Variants in ADAMTS17 observed in about 807,000 individuals in gnomAD.
ADAMTS17 encodes A disintegrin and metalloproteinase with thrombospondin motifs 17.
Under a neutral mutation model 141.5 loss-of-function variants are expected in ADAMTS17, and 113 were observed. The ratio of observed to expected loss-of-function variants is 0.80; its 90% CI spans 0.69 to 0.93. The LOEUF (loss-of-function observed/expected upper bound fraction) is 0.93, where lower values mean the gene tolerates loss of function less well. Among genes scored for constraint, ADAMTS17 ranks in the 40% least tolerant of loss-of-function variants. ADAMTS17 has a pLI of 0.00. For missense variants in ADAMTS17, 1,659 were observed against 1,517.9 expected, an observed-to-expected ratio of 1.09 and a Z score of -1.54; for synonymous variants, 768 against 630.6, an observed-to-expected ratio of 1.22 and a Z score of -3.27.
chr15:100,242,164 G>A (rs1016872170), intron 7 of ADAMTS17, among the ~76,000 whole-genome samples: 21 of 152,316 alleles, frequency 1.4e-4, no homozygotes, highest in African/African-American at 3.6e-4. Context: ...TTCTGACTCC[G>A]GAGGGTCACT....
chr15:100,093,655 G>A (rs1429739409), intron 15 of ADAMTS17, among the ~76,000 whole-genome samples: 1 of 151,908 alleles, frequency 6.6e-6, no homozygotes, highest in Non-Finnish European at 1.5e-5. Flanking sequence ...GTCCTTTAGT[G>A]CTGGGGGCCA....
chr15:100,189,250 G>A (rs1376697826), intron 8 of ADAMTS17, among the ~76,000 whole-genome samples: 1 of 152,242 alleles, frequency 6.6e-6, no homozygotes, highest in Non-Finnish European at 1.5e-5. Context: ...GGCATGGGAT[G>A]TAGGAGTTTT....
intron 3 of ADAMTS17, among the ~76,000 whole-genome samples, chr15:100,308,438 C>T (rs1333468395): frequency 1.3e-5 from 2 of 152,176 alleles, no homozygotes; most frequent in Non-Finnish European, 2.9e-5. Context: ...CCTCAGGCTT[C>T]CTGAGCAAAG....
At chr15:100,203,682 G>A (rs1361490935) in intron 7 of ADAMTS17, among the ~76,000 whole-genome samples, 1 of 152,172 alleles carries the variant, frequency 6.6e-6, no homozygotes, top group Non-Finnish European at 1.5e-5. Flanking sequence ...TCCAGCCTGA[G>A]AGACAGAGCA....
intron 18 of ADAMTS17, among the ~76,000 whole-genome samples, chr15:100,017,540 C>G (rs1488249935): frequency 6.6e-6 from 1 of 152,334 alleles, no homozygotes; most frequent in East Asian, 1.9e-4. Flanking sequence ...GGGCCTTTCC[C>G]GCTGCTTCCT....
rs190946840 is a variant in ADAMTS17, at chr15:100,240,509, C to A, written c.1075+13627G>T. ...ACATGAATTTGTAAAGGTGCTCCCCCCTCACTCCTCTACCAGGAAGAACAG... is the reference window on the plus strand; with the variant it reads ...ACATGAATTTGTAAAGGTGCTCCCCACTCACTCCTCTACCAGGAAGAACAG... On this transcript the variant is annotated intron_variant, in intron 7 of 21. Coordinates refer to ENST00000268070, the MANE Select transcript of ADAMTS17 (RefSeq NM_139057.4). Among the ~76,000 whole-genome samples the A allele has an allele frequency of 3.9e-5, 6 of 152,304 alleles. No homozygotes were observed. The East Asian group carries it at 7.7e-4, about 20-fold the overall frequency.
intron 18 of ADAMTS17, among the ~76,000 whole-genome samples, chr15:100,034,095 C>T (rs1185818203): frequency 1.1e-4 from 17 of 152,246 alleles, no homozygotes; most frequent in Admixed American, 1.1e-3. Context: ...GTCCTCCAAG[C>T]CCTTGTGAGC....
intron 7 of ADAMTS17, among the ~76,000 whole-genome samples, chr15:100,211,141 A>AAAAT (rs1555483915): frequency 1.0e-3 from 148 of 148,624 alleles, no homozygotes; most frequent in African/African-American, 3.3e-3. Context: ...TAAATAAATA[A>AAAAT]AAATACAAAA....
chr15:100,169,234 A>T (rs569125609), intron 8 of ADAMTS17, among the ~76,000 whole-genome samples: 136 of 152,316 alleles, frequency 8.9e-4, no homozygotes, highest in African/African-American at 3.1e-3. Flanking sequence ...CCACTGCCCA[A>T]CACATGCCAG....
chr15:100,189,942 G>T (rs1054035867), intron 8 of ADAMTS17, among the ~76,000 whole-genome samples: 39 of 152,136 alleles, frequency 2.6e-4, no homozygotes, highest in African/African-American at 9.4e-4. Flanking sequence ...AGCATCACCG[G>T]GGCCTTGGAA....
chr15:100,092,094 G>A (rs771281230), intron 15 of ADAMTS17, among the ~76,000 whole-genome samples: 8 of 152,198 alleles, frequency 5.3e-5, no homozygotes, highest in Admixed American at 1.3e-4. Flanking sequence ...AGGTGCCAGC[G>A]AAGGCTAAAT....
chr15:100,209,997 G>A (rs2041738873), intron 7 of ADAMTS17, among the ~76,000 whole-genome samples: 1 of 152,026 alleles, frequency 6.6e-6, no homozygotes. Flanking sequence ...TGCCTCTGTG[G>A]TGGTCCGCGG....
Position 100,116,882 on chromosome 15 carries a change from T to C in ADAMTS17, c.1853A>G (p.Lys618Arg), listed in dbSNP as rs935727544. The change falls in exon 13 of 22, where the codon AAG (lysine) becomes AGG (arginine). Residue 618 changes from lysine (K) to arginine (R), a missense_variant. By Grantham distance (26) the Lys-to-Arg change is conservative. Coordinates refer to ENST00000268070, the MANE Select transcript of ADAMTS17 (RefSeq NM_139057.4). ...CACGGCTGTCAGCAGGCCTTTCTTC[T>C]TGGGGCTCAGCCGGTCGTGTGCCTG... ...QCQAHDRLSP[K>R]KKGLLTAVVV... 1 of 1,614,186 alleles carries C rather than the reference T, an allele frequency of 6.2e-7. No individual in the cohort carries two copies. The highest frequency in any genetic ancestry group is 8.5e-7 in the Non-Finnish European group (1 of 1,180,026).
chr15:100,200,116 C>T (rs995118353), intron 7 of ADAMTS17, among the ~76,000 whole-genome samples: 2 of 152,242 alleles, frequency 1.3e-5, no homozygotes, highest in African/African-American at 2.4e-5. Context: ...ACAAGCCAAA[C>T]GTGTGTCTCC....
intron 3 of ADAMTS17, among the ~76,000 whole-genome samples, chr15:100,328,526 G>T (rs112058441): frequency 1.3e-5 from 2 of 152,160 alleles, no homozygotes; most frequent in African/African-American, 4.8e-5. Flanking sequence ...TTTGAGAGCA[G>T]GGAAGGAGAG....
chr15:100,283,343 G>A (rs757721197), intron 3 of ADAMTS17, among the ~76,000 whole-genome samples: 4 of 152,158 alleles, frequency 2.6e-5, no homozygotes, highest in Admixed American at 6.5e-5. Flanking sequence ...GAAAGAGGCC[G>A]CTGGTGGAAA....
chr15:100,323,581 G>C lies in ADAMTS17; in HGVS notation c.616+7308C>G, dbSNP rs1449191947. Among the ~76,000 whole-genome samples the C allele has an allele frequency of 7.3e-5, 11 of 151,640 alleles. No individual in the cohort carries two copies. In the East Asian group the frequency reaches 1.9e-3, roughly 27 times the overall value. On this transcript the variant is annotated intron_variant, in intron 3 of 21. Transcript: ENST00000268070. ...TAGGTATTCTACTCAAGAAGTTAGG[G>C]AAAAAGCAATAGGAATAAACCTAGA...
chr15:100,092,308 A>T (rs1440847859), intron 15 of ADAMTS17, among the ~76,000 whole-genome samples: 2 of 152,180 alleles, frequency 1.3e-5, no homozygotes, highest in Non-Finnish European at 2.9e-5. Flanking sequence ...GAGTTTATCC[A>T]TGGCTTCGCA....
At chr15:100,120,515 G>T (rs902676807) in intron 12 of ADAMTS17, among the ~76,000 whole-genome samples, 1 of 152,124 alleles carries the variant, frequency 6.6e-6, no homozygotes, top group Admixed American at 6.5e-5. Flanking sequence ...CAGGTGAAGT[G>T]GCTTCCAGGG....
Sources: gnomAD v4.1 joint callset for allele counts (sites outside exome capture counted in the v4.1 genomes callset) on GRCh38, gnomAD v4.1.1 for gene constraint, MANE v1.5 for transcripts, NCBI Gene and HGNC (gene_info 2026-07-23, HGNC 2026-07-21) for gene names.